Variants in FMN1 observed in about 807,000 individuals in gnomAD.
The protein encoded by FMN1 is formin 1, also known as formin-1.
FMN1 carries 110 observed loss-of-function variants against 132.4 expected under a neutral mutation model. The observed-to-expected ratio is 0.83, with a 90% CI of 0.71 to 0.97. The LOEUF (loss-of-function observed/expected upper bound fraction) is 0.97. Among genes scored for constraint, FMN1 ranks in the 50% least tolerant of loss-of-function variants. The pLI, the probability that FMN1 is intolerant of heterozygous loss-of-function variation, is 0.00. For missense variants in FMN1, 1,792 were observed against 1,705.3 expected, an observed-to-expected ratio of 1.05 and a Z score of -0.90; for synonymous variants, 722 against 651.7, an observed-to-expected ratio of 1.11 and a Z score of -1.64.
In FMN1 at chr15:33,081,218, T is replaced by G. The variant is rs994492265; in HGVS notation, c.2043+7581A>C. Among the ~76,000 whole-genome samples, 126 of 152,342 alleles carry G rather than the reference T, an allele frequency of 8.3e-4. 1 individual carries two copies. Among genetic ancestry groups the G allele is most frequent in the African/African-American group, 2.9e-3 (122 of 41,580 alleles). On this transcript the variant is annotated intron_variant, in intron 5 of 20. Coordinates refer to ENST00000616417, the MANE Select transcript of FMN1 (RefSeq NM_001277313.2). ...GCTTTGGTTTACAGTACAGTCACTCTTCTACCATACCCCCACCTTGCTAAC... is the reference window on the plus strand; with the variant it reads ...GCTTTGGTTTACAGTACAGTCACTCGTCTACCATACCCCCACCTTGCTAAC...
chr15:33,153,668 G>C lies in FMN1; in HGVS notation c.1247C>G (p.Ala416Gly). The C allele has an allele frequency of 6.5e-7, 1 of 1,536,284 alleles. No individual in the cohort carries two copies. The highest frequency in any genetic ancestry group is 8.7e-7 in the Non-Finnish European group (1 of 1,146,960). ...CACCTTCAGGGGGACCTTGTTCACGGCCCCCTCGGCACTGGCCGACACACT... is the reference window on the plus strand; with the variant it reads ...CACCTTCAGGGGGACCTTGTTCACGCCCCCCTCGGCACTGGCCGACACACT... Reference protein sequence around the residue: ...ISSVSASAEGAVNKVPLKVIE... With the variant: ...ISSVSASAEGGVNKVPLKVIE... The change falls in exon 4 of 21, where the codon GCC becomes GGC. Residue 416 changes from alanine (A) to glycine (G), a missense_variant. This residue lies in a region of FMN1 where 638 missense variants were observed against 645.2 expected (regional missense o/e 0.99). Transcript: ENST00000616417.
chr15:33,024,223 A>ATTTTTTTTTTTTTTTTTTTTTTTTTTT (rs555760509), intron 6 of FMN1, among the ~76,000 whole-genome samples: 3 of 87,940 alleles, frequency 3.4e-5, no homozygotes, highest in African/African-American at 4.4e-5. Context: ...CACCTATCAG[A>ATTTTTTTTTTTTTTTTTTTTTTTTTTT]TTTTTTTTTT....
chr15:32,885,469 A>G (rs347940), intron 16 of FMN1, among the ~76,000 whole-genome samples: 40,838 of 152,126 alleles, frequency 0.27, 5,779 homozygotes, highest in African/African-American at 0.35. Context: ...TCAAAACTTG[A>G]CTAGATCATC....
At chr15:32,912,444 A>G (rs186846081) in intron 10 of FMN1, among the ~76,000 whole-genome samples, 1 of 152,338 alleles carries the variant, frequency 6.6e-6, no homozygotes, top group East Asian at 1.9e-4. Flanking sequence ...AATACTGTGG[A>G]TTTTTAAGTT....
intron 16 of FMN1, among the ~76,000 whole-genome samples, chr15:32,858,048 G>A (rs1428165830): frequency 7.9e-5 from 12 of 152,128 alleles, no homozygotes; most frequent in Non-Finnish European, 1.6e-4. Context: ...TAAAGCACTG[G>A]ATTTCACCAT....
intron 12 of FMN1, among the ~76,000 whole-genome samples, chr15:32,906,712 G>A (rs535702328): frequency 6.6e-6 from 1 of 152,226 alleles, no homozygotes; most frequent in East Asian, 1.9e-4. Flanking sequence ...ACCGTAAGAG[G>A]GATTCATTTG....
At chr15:33,175,312 G>A (rs1417114753) in intron 3 of FMN1, among the ~76,000 whole-genome samples, 3 of 152,028 alleles carry the variant, frequency 2.0e-5, no homozygotes, top group South Asian at 4.1e-4. Flanking sequence ...CAAGTGACCC[G>A]CCTGCCTTGG....
In FMN1 at chr15:33,113,397, T is replaced by G. The variant is rs192585437; in HGVS notation, c.1868-24423A>C. 2.2e-4 allele frequency among the ~76,000 whole-genome samples: 31 copies of G among 142,252 alleles called. 1 individual carries two copies. The Admixed American group carries it at 2.3e-3, about 10-fold the overall frequency. The allele number at this position is 142,252 out of a possible 152,430, so 93.3% of individuals were successfully genotyped here. A position where few individuals can be genotyped will look rare whatever the true frequency, so the allele number is the denominator to read the frequency against. ...TTTTTTCAATTAATAGTTCAGTGAT[T>G]TCATTCCAGCCTTTCTTTCTTTACA... On this transcript the variant is annotated intron_variant, in intron 4 of 20. Transcript: ENST00000616417.
chr15:33,056,691 GAAC>G (rs1369453233), intron 6 of FMN1, among the ~76,000 whole-genome samples: 1 of 152,136 alleles, frequency 6.6e-6, no homozygotes, highest in African/African-American at 2.4e-5. Context: ...CACAAACTTT[GAAC>G]AACATCAGTG....
At chr15:32,949,940 CAT>C (rs373896522) in intron 9 of FMN1, among the ~76,000 whole-genome samples, 3 of 31,844 alleles carry the variant, frequency 9.4e-5, no homozygotes, top group Non-Finnish European at 1.6e-4. Context: ...GGCCAAAAAG[CAT>C]ATATATATAT....
intron 7 of FMN1, among the ~76,000 whole-genome samples, chr15:32,998,663 C>T (rs554084107): frequency 8.5e-4 from 130 of 152,250 alleles, no homozygotes; most frequent in Middle Eastern, 3.4e-3. Context: ...AGAAACTCAC[C>T]GGTTCCAGCA....
rs1030260579 is a variant in FMN1, at chr15:32,772,546, T to C, written c.*1764A>G. The C allele has an allele frequency of 1.3e-5, 2 of 152,252 alleles. No individual in the cohort carries two copies. The highest frequency in any genetic ancestry group is 1.3e-4 in the Admixed American group (2 of 15,282). 9.4% of individuals were successfully genotyped at this position (152,252 alleles called of 1,614,324 possible). ...GAAAGCAGCATAAAAAGCTTCTTGCTCACAAGCAACTTCAAGCCTTTTTAG... is the reference window on the plus strand; with the variant it reads ...GAAAGCAGCATAAAAAGCTTCTTGCCCACAAGCAACTTCAAGCCTTTTTAG... On this transcript the variant is annotated 3_prime_UTR_variant, in exon 21 of 21. Coordinates refer to ENST00000616417, the MANE Select transcript of FMN1 (RefSeq NM_001277313.2).
chr15:32,782,324 T>C (rs557194641), intron 19 of FMN1, among the ~76,000 whole-genome samples: 2 of 152,348 alleles, frequency 1.3e-5, no homozygotes, highest in East Asian at 3.8e-4. Flanking sequence ...TTTTCTGACT[T>C]AAACAATTTA....
At chr15:32,946,502 C>T (rs747031333) in intron 9 of FMN1, among the ~76,000 whole-genome samples, 9 of 152,218 alleles carry the variant, frequency 5.9e-5, no homozygotes, top group Admixed American at 2.6e-4. Context: ...GATGTACATT[C>T]CTAATTAGTC....
rs1256444103 is a variant in FMN1, at chr15:32,888,180, T to C, written c.3827A>G (p.Gln1276Arg). The C allele has an allele frequency of 6.2e-7, 1 of 1,607,206 alleles. No individual in the cohort carries two copies. The highest frequency in any genetic ancestry group is 1.3e-5 in the African/African-American group (1 of 74,450). Reference protein sequence around the residue: ...LIKDLRKLKRQLEASEKQMVV... With the variant: ...LIKDLRKLKRRLEASEKQMVV... Reference sequence around the variant, plus strand: ...AGAACAGTTCCTATTACCTTCTAGTTGCCTCTTCAGTTTTCTCAAATCTTT... The same window carrying C: ...AGAACAGTTCCTATTACCTTCTAGTCGCCTCTTCAGTTTTCTCAAATCTTT... The change falls in exon 16 of 21, where the codon CAA (glutamine) becomes CGA (arginine). Residue 1276 changes from glutamine (Q) to arginine (R), a missense_variant. Physicochemically the swap from Gln to Arg is conservative, Grantham distance 43. Coordinates refer to ENST00000616417, the MANE Select transcript of FMN1 (RefSeq NM_001277313.2).
chr15:33,069,433 G>C (rs977453608), intron 5 of FMN1, among the ~76,000 whole-genome samples: 1 of 152,154 alleles, frequency 6.6e-6, no homozygotes, highest in African/African-American at 2.4e-5. Context: ...ATCTCTGTTT[G>C]AGCAAAGGTC....
chr15:32,811,484 A>AG (rs755831255), intron 17 of FMN1, among the ~76,000 whole-genome samples: 6 of 152,086 alleles, frequency 3.9e-5, no homozygotes, highest in Non-Finnish European at 8.8e-5. Context: ...GAAAGTACCA[A>AG]GTAAAGGACA....
intron 15 of FMN1, among the ~76,000 whole-genome samples, chr15:32,894,742 C>A: frequency 6.7e-6 from 1 of 148,604 alleles, no homozygotes; most frequent in African/African-American, 2.5e-5. Flanking sequence ...AAAAGTGATA[C>A]ATGTTCATTA....
At chr15:33,165,582 G>T (rs1052303008) in intron 3 of FMN1, among the ~76,000 whole-genome samples, 1 of 152,084 alleles carries the variant, frequency 6.6e-6, no homozygotes, top group South Asian at 2.1e-4. Flanking sequence ...TAGTAGAGAC[G>T]GGGTTTCACT....
Sources: allele counts gnomAD v4.1 joint callset (sites outside exome capture counted in the v4.1 genomes callset), GRCh38; gene constraint gnomAD v4.1.1; regional missense constraint gnomAD v4.1.1; transcripts MANE v1.5; gene names NCBI Gene and HGNC (gene_info 2026-07-23, HGNC 2026-07-21).